Variants in SGCD observed in about 807,000 individuals in gnomAD.
The protein encoded by SGCD is delta-sarcoglycan.
In SGCD, 18 loss-of-function variants were observed where a neutral mutation model predicts 36.6. That is an observed-to-expected ratio of 0.49 (90% CI 0.34 to 0.73). The LOEUF is 0.73. Among genes scored for constraint, SGCD ranks in the 30% least tolerant of loss-of-function variants. The pLI, the probability that SGCD is intolerant of heterozygous loss-of-function variation, is 0.01. For synonymous variants in SGCD, 133 were observed against 130.6 expected (o/e 1.02, Z -0.12); for missense variants, 387 against 346.7 (o/e 1.12, Z -0.92).
At chr5:156,454,236 G>A (rs559298966) in intron 3 of SGCD, among the ~76,000 whole-genome samples, 5 of 152,266 alleles carry the variant, frequency 3.3e-5, no homozygotes, top group African/African-American at 1.2e-4. Context: ...TACCAATCCA[G>A]TGGACAGAGA....
intron 3 of SGCD, among the ~76,000 whole-genome samples, chr5:156,356,211 T>C (rs1041027570): frequency 1.3e-5 from 2 of 152,208 alleles, no homozygotes; most frequent in Admixed American, 6.5e-5. Context: ...TTCTGCAGAT[T>C]GGGCAGAGCT....
At chr5:156,293,925 TA>T (rs1221949351) in intron 3 of SGCD, among the ~76,000 whole-genome samples, 3 of 152,184 alleles carry the variant, frequency 2.0e-5, no homozygotes, top group African/African-American at 7.2e-5. Flanking sequence ...TTTTGAATAG[TA>T]TTGACATCTT....
In SGCD at chr5:156,138,967, A is replaced by G. The variant is rs911526326; in HGVS notation, c.-44+14948A>G. Among the ~76,000 whole-genome samples the G allele has an allele frequency of 2.0e-5, 3 of 152,176 alleles. No homozygotes were observed. In the East Asian group the frequency reaches 5.8e-4, roughly 29 times the overall value. ...GTACTTTCAGTTGTACTTATTGGCCATTTGTATATCTGTTGTGAAAAGTCT... is the reference window on the plus strand; with the variant it reads ...GTACTTTCAGTTGTACTTATTGGCCGTTTGTATATCTGTTGTGAAAAGTCT... On this transcript the variant is annotated intron_variant, in intron 3 of 9. Coordinates refer to the SGCD transcript ENST00000517913.
intron 1 of SGCD, among the ~76,000 whole-genome samples, chr5:155,976,546 C>T (rs1235908848): frequency 2.0e-5 from 3 of 152,202 alleles, no homozygotes; most frequent in African/African-American, 4.8e-5. Context: ...CACATATTCA[C>T]TCGTGGAGTC....
chr5:156,591,771 C>A (rs1053384603), intron 5 of SGCD, among the ~76,000 whole-genome samples: 4 of 152,092 alleles, frequency 2.6e-5, no homozygotes, highest in Admixed American at 2.0e-4. Flanking sequence ...AACATGTGAC[C>A]TCCTGAGCTG....
At chr5:155,813,639 T>C in the SGCD span, among the ~76,000 whole-genome samples, 1 of 152,222 alleles carries the variant, frequency 6.6e-6, no homozygotes, top group South Asian at 2.1e-4. Flanking sequence ...TGAAGGTTTA[T>C]GTAGGTTGAC....
intron 7 of SGCD, among the ~76,000 whole-genome samples, chr5:156,705,914 G>A (rs564481238): frequency 1.5e-3 from 227 of 152,104 alleles, no homozygotes; most frequent in Non-Finnish European, 2.9e-3. Flanking sequence ...TTGTAGTTTC[G>A]TGTTTTCATT....
chr5:156,684,750 A>G (rs1264895028), intron 7 of SGCD, among the ~76,000 whole-genome samples: 1 of 152,250 alleles, frequency 6.6e-6, no homozygotes, highest in Admixed American at 6.5e-5. Flanking sequence ...TATCCACTGA[A>G]TGAATAACAC....
chr5:156,010,850 C>A (rs528532590), intron 1 of SGCD, among the ~76,000 whole-genome samples: 1 of 152,152 alleles, frequency 6.6e-6, no homozygotes. Flanking sequence ...TACCAAAGCT[C>A]ACACTTTTAC....
intron 8 of SGCD, among the ~76,000 whole-genome samples, chr5:156,758,723 A>G (rs3913020): frequency 0.092 from 14,023 of 151,986 alleles, 993 homozygotes; most frequent in African/African-American, 0.2. Context: ...TTATAGGCAT[A>G]TTTTTATAGG....
At chr5:156,482,645 A>G (rs779866113) in intron 3 of SGCD, among the ~76,000 whole-genome samples, 16 of 152,158 alleles carry the variant, frequency 1.1e-4, no homozygotes, top group Non-Finnish European at 1.9e-4. Flanking sequence ...AATGAGTAAG[A>G]TGATAAATGC....
In SGCD at chr5:156,150,751, G is replaced by A. The variant is rs559378794; in HGVS notation, c.-44+26732G>A. 9.2e-5 allele frequency among the ~76,000 whole-genome samples: 14 copies of A among 151,626 alleles called. No individual in the cohort carries two copies. The East Asian group carries it at 1.7e-3, about 19-fold the overall frequency. On this transcript the variant is annotated intron_variant, in intron 3 of 9. Transcript: ENST00000517913. Reference sequence around the variant, plus strand: ...TGTGAAAGAGGAGGCAGTTCTACGCGGTGACTTGCTTTCTCTTATAATGAA... The same window carrying A: ...TGTGAAAGAGGAGGCAGTTCTACGCAGTGACTTGCTTTCTCTTATAATGAA...
chr5:156,601,332 C>G (rs370489627), intron 6 of SGCD, among the ~76,000 whole-genome samples: 1 of 152,094 alleles, frequency 6.6e-6, no homozygotes, highest in African/African-American at 2.4e-5. Flanking sequence ...AGGTAGAGGT[C>G]TAATCTCATT....
chr5:156,609,949 A>AT (rs1048201840), intron 6 of SGCD, among the ~76,000 whole-genome samples: 4 of 151,798 alleles, frequency 2.6e-5, no homozygotes, highest in African/African-American at 9.7e-5. Flanking sequence ...CATTTGTCTA[A>AT]TTTTTTTTCG....
At chr5:156,653,954 G>T (rs10491465) in intron 7 of SGCD, among the ~76,000 whole-genome samples, 4,735 of 152,156 alleles carry the variant, frequency 0.031, 166 homozygotes, top group African/African-American at 0.08. Context: ...CCATTCTTCA[G>T]TGGTAGCAAA....
rs764059909 is a variant in SGCD at position 156,759,202 on chromosome 5, A to G, written c.700-15A>G. The G allele has an allele frequency of 1.9e-6, 3 of 1,609,252 alleles. No homozygotes were observed. The highest frequency in any genetic ancestry group is 2.6e-6 in the Non-Finnish European group (3 of 1,175,856). On this transcript the variant is annotated splice_polypyrimidine_tract_variant and intron_variant, in intron 8 of 8. Transcript: ENST00000337851. ...GCCTCTGACCAATGCTTTCCTTCCT[A>G]TTCTCTGTCTTTAGATTAAGTTAGA...
chr5:156,619,050 G>T (rs1762134440), intron 6 of SGCD, among the ~76,000 whole-genome samples: 1 of 148,532 alleles, frequency 6.7e-6, no homozygotes, highest in African/African-American at 2.5e-5. Context: ...TTCTGAGACA[G>T]CGTATCGCTC....
chr5:155,820,087 A>T, the SGCD span, among the ~76,000 whole-genome samples: 1 of 152,252 alleles, frequency 6.6e-6, no homozygotes, highest in Non-Finnish European at 1.5e-5. Flanking sequence ...GGCTGTGAGA[A>T]TAGGGAAAAC....
intron 3 of SGCD, among the ~76,000 whole-genome samples, chr5:156,302,907 T>C (rs1767091182): frequency 1.3e-5 from 2 of 152,346 alleles, no homozygotes; most frequent in South Asian, 4.1e-4. Flanking sequence ...GGGATTGTGC[T>C]GGGTCAGACC....
Sources: gnomAD v4.1 joint callset for allele counts (sites outside exome capture counted in the v4.1 genomes callset) on GRCh38, gnomAD v4.1.1 for gene constraint, MANE v1.5 for transcripts, NCBI Gene and HGNC (gene_info 2026-07-23, HGNC 2026-07-21) for gene names.